Variants in TLN2 observed in about 807,000 individuals in gnomAD.
TLN2 encodes talin 2, also known as talin-2.
In TLN2, 118 loss-of-function variants were observed where a neutral mutation model predicts 294.7. That is an observed-to-expected ratio of 0.40 (90% CI 0.34 to 0.47). TLN2 has a LOEUF of 0.47. Among genes scored for constraint, TLN2 ranks in the 20% least tolerant of loss-of-function variants. TLN2 has a pLI of 0.84. For synonymous variants in TLN2, 1,431 were observed against 1,304.5 expected (o/e 1.10, Z -2.09); for missense variants, 3,083 against 3,282.2 (o/e 0.94, Z 1.48).
At chr15:62,589,838 T>TA (rs2045943817) in intron 2 of TLN2, 76 bp downstream of exon 2, 1 of 152,208 alleles carries the variant, frequency 6.6e-6, no homozygotes, top group African/African-American at 2.4e-5. Context: ...TGTAAAGTGT[T>TA]AAAACTGCTG....
At chr15:62,730,503 C>G (rs969570361) in intron 28 of TLN2, among the ~76,000 whole-genome samples, 3 of 152,164 alleles carry the variant, frequency 2.0e-5, no homozygotes, top group African/African-American at 7.2e-5. Context: ...TCTCTTCTAC[C>G]TGAAGAACTC....
At chr15:62,566,418 C>T (rs944166258) in intron 1 of TLN2, among the ~76,000 whole-genome samples, 7 of 151,966 alleles carry the variant, frequency 4.6e-5, no homozygotes, top group African/African-American at 1.5e-4. Flanking sequence ...TGCACACCCA[C>T]GTGTGTAAGA....
intron 24 of TLN2, among the ~76,000 whole-genome samples, chr15:62,719,559 A>C (rs1466436010): frequency 6.6e-6 from 1 of 152,182 alleles, no homozygotes; most frequent in Non-Finnish European, 1.5e-5. Flanking sequence ...CACAGGGTAG[A>C]GTATGTGTAG....
chr15:62,804,334 A>G (rs2066130894), intron 50 of TLN2, among the ~76,000 whole-genome samples: 1 of 152,220 alleles, frequency 6.6e-6, no homozygotes, highest in African/African-American at 2.4e-5. Context: ...ATGGCAGCGC[A>G]CGCCTGTAAT....
At chr15:62,800,557 G>GCGGA (rs2065865079) in intron 49 of TLN2, 64 bp downstream of exon 49, 2 of 1,610,334 alleles carry the variant, frequency 1.2e-6, no homozygotes, top group Non-Finnish European at 1.7e-6. Context: ...GGAAGGAGAG[G>GCGGA]CGTCCTTGCT....
intron 1 of TLN2, among the ~76,000 whole-genome samples, chr15:62,391,810 C>T (rs1422661699): frequency 6.6e-6 from 1 of 152,258 alleles, no homozygotes; most frequent in Non-Finnish European, 1.5e-5. Flanking sequence ...CCCGCCTGGA[C>T]CCGGCCTTGG....
intron 1 of TLN2, among the ~76,000 whole-genome samples, chr15:62,434,965 C>T (rs1321144288): frequency 2.0e-5 from 3 of 152,196 alleles, no homozygotes; most frequent in Non-Finnish European, 4.4e-5. Flanking sequence ...CGCTATGTGT[C>T]CATGTGTTCC....
rs1177956312 is a variant in TLN2, at chr15:62,792,865, C to A, written c.5883+78C>A. ...GATCCGCTGTAATCAAGGACAAAAG[C>A]AGGAAACTCAGCCAAAACTAACCCA... On this transcript the variant is annotated intron_variant, in intron 46 of 58. Coordinates refer to ENST00000636159, the MANE Select transcript of TLN2 (RefSeq NM_015059.3). The A allele has an allele frequency of 2.6e-6, 4 of 1,564,626 alleles. No individual in the cohort carries two copies. In the Admixed American group the frequency reaches 6.0e-5, roughly 23 times the overall value.
chr15:62,719,979 A>T (rs761540769), intron 25 of TLN2, 99 bp downstream of exon 25: 119 of 896,926 alleles, frequency 1.3e-4, no homozygotes, highest in Non-Finnish European at 1.8e-4. Flanking sequence ...AGCCTCAGCT[A>T]AGTCTTTGCG....
chr15:62,511,498 G>A (rs1595979255), intron 1 of TLN2, among the ~76,000 whole-genome samples: 1 of 151,906 alleles, frequency 6.6e-6, no homozygotes, highest in Admixed American at 6.6e-5. Flanking sequence ...ACTTTTCTTC[G>A]CAAATGTTAG....
chr15:62,575,322 A>AAAAC (rs1453049090), intron 1 of TLN2, among the ~76,000 whole-genome samples: 2 of 152,342 alleles, frequency 1.3e-5, no homozygotes, highest in Non-Finnish European at 2.9e-5. Flanking sequence ...CCTATCTCCA[A>AAAAC]AAACAAACAA....
rs534913723 is a variant in TLN2 at position 62,629,318 on chromosome 15, C to T, written c.-37+10843C>T. On this transcript the variant is annotated intron_variant, in intron 3 of 58. Transcript: ENST00000636159. The stretch of plus-strand genomic sequence containing the variant: ...TGAGATAAACATTGTGTGTCTGGCA[C>T]ATAATGTGTGATCAGTACATGGTGA... Among the ~76,000 whole-genome samples the T allele has an allele frequency of 9.2e-5, 14 of 152,276 alleles. No homozygotes were observed. In the South Asian group the frequency reaches 2.7e-3, roughly 29 times the overall value.
At chr15:62,431,495 G>A (rs569469045) in intron 1 of TLN2, among the ~76,000 whole-genome samples, 14 of 152,298 alleles carry the variant, frequency 9.2e-5, no homozygotes, top group African/African-American at 1.2e-4. Context: ...CGAAGTCACC[G>A]GAACAGGTAA....
chr15:62,771,673 G>T (rs1004422587), intron 42 of TLN2, among the ~76,000 whole-genome samples: 2 of 152,250 alleles, frequency 1.3e-5, no homozygotes, highest in African/African-American at 4.8e-5. Flanking sequence ...AACTGAAGAA[G>T]AGAGAATAGC....
At chr15:62,473,502 G>A (rs757402006) in intron 1 of TLN2, among the ~76,000 whole-genome samples, 3 of 152,098 alleles carry the variant, frequency 2.0e-5, no homozygotes, top group South Asian at 2.1e-4. Context: ...ACTGATCTTT[G>A]CTTTTCGTAG....
intron 42 of TLN2, among the ~76,000 whole-genome samples, chr15:62,773,278 A>C: frequency 1.3e-5 from 1 of 78,014 alleles, no homozygotes; most frequent in Admixed American, 2.0e-4. Context: ...GTTCCCAGCC[A>C]TAGAGCACAC....
At chr15:62,429,536 A>G (rs1301178746) in intron 1 of TLN2, among the ~76,000 whole-genome samples, 1 of 152,098 alleles carries the variant, frequency 6.6e-6, no homozygotes, top group Non-Finnish European at 1.5e-5. Context: ...GTAGTTTAGC[A>G]GGGAACTTCA....
At chr15:62,551,961 G>C (rs1024436087) in intron 1 of TLN2, among the ~76,000 whole-genome samples, 1 of 152,166 alleles carries the variant, frequency 6.6e-6, no homozygotes, top group Non-Finnish European at 1.5e-5. Flanking sequence ...TTGATAGAAG[G>C]TACAAGAAGG....
chr15:62,410,263 A>G (rs1490687676), intron 1 of TLN2, among the ~76,000 whole-genome samples: 1 of 152,124 alleles, frequency 6.6e-6, no homozygotes, highest in Non-Finnish European at 1.5e-5. Context: ...AAGAAAAAAA[A>G]AAGGGAGCTA....
Sources: allele counts gnomAD v4.1 joint callset (sites outside exome capture counted in the v4.1 genomes callset), GRCh38; gene constraint gnomAD v4.1.1; transcripts MANE v1.5; gene names NCBI Gene and HGNC (gene_info 2026-07-23, HGNC 2026-07-21).